KCNK10: variants seen among roughly 807,000 people sequenced by gnomAD.
KCNK10 encodes potassium two pore domain channel subfamily K member 10.
Under a neutral mutation model 47.7 loss-of-function variants are expected in KCNK10, and 25 were observed. The ratio of observed to expected loss-of-function variants is 0.52; its 90% CI spans 0.38 to 0.73. The LOEUF (loss-of-function observed/expected upper bound fraction) is 0.73, where lower values mean the gene tolerates loss of function less well. Ranked by LOEUF, KCNK10 falls within the 30% of genes least tolerant of loss-of-function variation. The pLI is 0.00. For missense variants in KCNK10, 563 were observed against 714.5 expected, an observed-to-expected ratio of 0.79 and a Z score of 2.42; for synonymous variants, 303 against 285.6, an observed-to-expected ratio of 1.06 and a Z score of -0.61.
intron 1 of KCNK10, among the ~76,000 whole-genome samples, chr14:88,292,790 G>A (rs780403087): frequency 2.0e-5 from 3 of 151,908 alleles, no homozygotes; most frequent in South Asian, 2.1e-4. Flanking sequence ...ACACCACCAC[G>A]CCCAGCTAGT....
intron 3 of KCNK10, among the ~76,000 whole-genome samples, chr14:88,228,116 G>A (rs1346485647): frequency 1.3e-5 from 2 of 150,622 alleles, no homozygotes; most frequent in Non-Finnish European, 3.0e-5. Flanking sequence ...TCTCCCCACC[G>A]CCAGTGAAGT....
rs1253204560 is a variant in KCNK10, at chr14:88,185,348, G to A, written c.*187C>T. On this transcript the variant is annotated 3_prime_UTR_variant, in exon 7 of 7. Coordinates refer to ENST00000319231, the MANE Select transcript of KCNK10 (RefSeq NM_138317.3). The surrounding 1 kb of genome is among the most constrained non-coding windows in gnomAD (Gnocchi z 4.3). ...TCCTGCGTTTGCTATCTGAAATGAA[G>A]TTCTTGTTCTCTGATTCCTTTTGGC... is the stretch of plus-strand genomic sequence containing the variant. The A allele has an allele frequency of 1.2e-6, 1 of 831,488 alleles. No individual in the cohort carries two copies. Among genetic ancestry groups the A allele is most frequent in the Admixed American group, 3.0e-5 (1 of 33,132 alleles). The allele number at this position is 831,488 out of a possible 1,614,324, so 51.5% of individuals were successfully genotyped here.
At chr14:88,218,461 A>G (rs1452856819) in intron 4 of KCNK10, among the ~76,000 whole-genome samples, 1 of 152,230 alleles carries the variant, frequency 6.6e-6, no homozygotes, top group Non-Finnish European at 1.5e-5. Context: ...TCGTAAGTCT[A>G]GGGTAATGTT....
At chr14:88,321,677 G>T (rs1325974957) in intron 1 of KCNK10, among the ~76,000 whole-genome samples, 2 of 152,150 alleles carry the variant, frequency 1.3e-5, no homozygotes, top group Non-Finnish European at 2.9e-5. Context: ...CTCTTCAATA[G>T]CCAGTCAATT....
At chr14:88,246,849 G>T (rs574738796) in intron 2 of KCNK10, among the ~76,000 whole-genome samples, 1 of 152,332 alleles carries the variant, frequency 6.6e-6, no homozygotes, top group South Asian at 2.1e-4. Flanking sequence ...ATACAAGGTT[G>T]TTGTCAGAGT....
chr14:88,241,038 C>G (rs1473600577), intron 2 of KCNK10, among the ~76,000 whole-genome samples: 1 of 152,078 alleles, frequency 6.6e-6, no homozygotes, highest in Admixed American at 6.5e-5. Context: ...GGGGGAAACG[C>G]TAGGGTATAG....
At chr14:88,274,844 C>T (rs1887493580) in intron 1 of KCNK10, among the ~76,000 whole-genome samples, 1 of 152,160 alleles carries the variant, frequency 6.6e-6, no homozygotes, top group African/African-American at 2.4e-5. Flanking sequence ...CACCCCACAT[C>T]CAGGCTGCCA....
At chr14:88,281,064 G>A (rs138580859) in intron 1 of KCNK10, among the ~76,000 whole-genome samples, 203 of 152,036 alleles carry the variant, frequency 1.3e-3, no homozygotes, top group African/African-American at 4.7e-3. Flanking sequence ...GGCTTCCAAG[G>A]TCTGACAGTA....
intron 4 of KCNK10, among the ~76,000 whole-genome samples, chr14:88,212,123 TATATATATCG>T (rs140138226): frequency 1.4e-5 from 1 of 73,922 alleles, no homozygotes; most frequent in Non-Finnish European, 3.4e-5. Flanking sequence ...TATATATATA[TATATATATCG>T]AGAGAGAGAG....
chr14:88,261,355 C>T (rs1437722594), intron 2 of KCNK10, among the ~76,000 whole-genome samples: 1 of 152,220 alleles, frequency 6.6e-6, no homozygotes, highest in Non-Finnish European at 1.5e-5. Flanking sequence ...CTTAAAACTA[C>T]TCCAGAATTG....
chr14:88,321,938 G>C (rs989404451), intron 1 of KCNK10, among the ~76,000 whole-genome samples: 1 of 152,156 alleles, frequency 6.6e-6, no homozygotes, highest in African/African-American at 2.4e-5. Context: ...CACTCCCTTG[G>C]AGCCTTAACA....
At chr14:88,258,685 G>A (rs1887027581) in intron 2 of KCNK10, among the ~76,000 whole-genome samples, 1 of 152,188 alleles carries the variant, frequency 6.6e-6, no homozygotes, top group Admixed American at 6.5e-5. Context: ...ATGGATAGAT[G>A]AATGAATGAC....
rs144382605 is a variant in KCNK10, at chr14:88,238,594, G to A, written c.520+2109C>T. On this transcript the variant is annotated intron_variant, in intron 3 of 6. Transcript: ENST00000319231. The stretch of plus-strand genomic sequence containing the variant: ...GGGGGCTGAGGTGGGAGGATCCCTT[G>A]AGCCCAGGAATCAAGGCTGCAGTGA... 2.6e-5 allele frequency among the ~76,000 whole-genome samples: 4 copies of A among 152,300 alleles called. No individual in the cohort carries two copies. In the East Asian group the frequency reaches 5.8e-4, roughly 22 times the overall value.
intron 4 of KCNK10, among the ~76,000 whole-genome samples, chr14:88,195,226 C>T (rs1884874255): frequency 6.6e-6 from 1 of 152,148 alleles, no homozygotes; most frequent in Non-Finnish European, 1.5e-5. Flanking sequence ...CACATCCCAA[C>T]CCCACTGCTA....
At chr14:88,241,610 T>G (rs1886473293) in intron 2 of KCNK10, among the ~76,000 whole-genome samples, 2 of 152,228 alleles carry the variant, frequency 1.3e-5, no homozygotes, top group South Asian at 4.1e-4. Flanking sequence ...CTGGCCACAA[T>G]GATGACCCAT....
At position 88,186,262 on chromosome 14, in the gene KCNK10, C is replaced by A; in HGVS notation, c.1012-107G>T. The stretch of plus-strand genomic sequence containing the variant: ...TCCCCACGGGGAGGCCAGGAGGTGA[C>A]GGAGCACATGCCCAGGGGGAGGTGC... On this transcript the variant is annotated intron_variant, in intron 6 of 6. Coordinates refer to ENST00000319231, the MANE Select transcript of KCNK10 (RefSeq NM_138317.3). This position sits in a 1 kb window ranked among gnomAD's most constrained non-coding sequence, Gnocchi z 5.5. The A allele has an allele frequency of 1.5e-6, 2 of 1,325,236 alleles. No individual in the cohort carries two copies. Among genetic ancestry groups the A allele is most frequent in the Non-Finnish European group, 2.0e-6 (2 of 989,584 alleles). The allele number at this position is 1,325,236 out of a possible 1,614,324, so 82.1% of individuals were successfully genotyped here.
chr14:88,182,036 GCACACACACACACA>G lies in KCNK10; in HGVS notation c.*3485_*3498del, dbSNP rs372506756. On this transcript the variant is annotated 3_prime_UTR_variant, in exon 7 of 7. Transcript: ENST00000319231. Reference sequence around the variant, plus strand: ...AGATGGCCCAACACCACCCCAACCCGCACACACACACACACACACACACACACACACACACACAC... The same window carrying G: ...AGATGGCCCAACACCACCCCAACCCGCACACACACACACACACACACACAC... 1.8e-3 allele frequency: 241 copies of G among 137,148 alleles called. 1 individual carries two copies. Among genetic ancestry groups the G allele is most frequent in the African/African-American group, 4.8e-3 (178 of 36,832 alleles). The allele number at this position is 137,148 out of a possible 1,614,324, so 8.5% of individuals were successfully genotyped here. A position where few individuals can be genotyped will look rare whatever the true frequency, so the allele number is the denominator to read the frequency against.
At position 88,183,912 on chromosome 14, in the gene KCNK10, G is replaced by C. The variant is rs1314736755; in HGVS notation, c.*1623C>G. On this transcript the variant is annotated 3_prime_UTR_variant, in exon 7 of 7. Coordinates refer to ENST00000319231, the MANE Select transcript of KCNK10 (RefSeq NM_138317.3). ...GATCTTTTGGTAAATCCACACTGCG[G>C]GTTAGTTACGTAAAATCCCGTGAAC... is the stretch of plus-strand genomic sequence containing the variant. 1 of 152,344 alleles carries C rather than the reference G, an allele frequency of 6.6e-6. No individual in the cohort carries two copies. The highest frequency in any genetic ancestry group is 2.4e-5 in the African/African-American group (1 of 41,444). 9.4% of individuals were successfully genotyped at this position (152,344 alleles called of 1,614,324 possible).
At position 88,182,400 on chromosome 14, in the gene KCNK10, C is replaced by A. The variant is rs903950330; in HGVS notation, c.*3135G>T. 2.0e-5 allele frequency: 3 copies of A among 152,414 alleles called. No homozygotes were observed. Among genetic ancestry groups the A allele is most frequent in the Non-Finnish European group, 4.4e-5 (3 of 68,024 alleles). The allele number at this position is 152,414 out of a possible 1,614,324, so 9.4% of individuals were successfully genotyped here. On this transcript the variant is annotated 3_prime_UTR_variant, in exon 7 of 7. Transcript: ENST00000319231. ...AATGTGTAGCAGCTTTGACCTATCA[C>A]GTGTATTCTACATGCCATTTGGCCC...
Sources: gnomAD v4.1 joint callset for allele counts (sites outside exome capture counted in the v4.1 genomes callset) on GRCh38, gnomAD v4.1.1 for gene constraint, Gnocchi (gnomAD v3.1) non-coding constraint, MANE v1.5 for transcripts, NCBI Gene and HGNC (gene_info 2026-07-23, HGNC 2026-07-21) for gene names.